Variants in TTC33 observed in about 807,000 individuals in gnomAD.
TTC33 encodes the protein tetratricopeptide repeat domain 33, also known as tetratricopeptide repeat protein 33.
In TTC33, 24 loss-of-function variants were observed where a neutral mutation model predicts 29.4. The observed-to-expected ratio is 0.82, with a 90% CI of 0.59 to 1.15. The LOEUF is 1.15. TTC33 is among the 50% of genes most tolerant of loss of function. The probability of loss-of-function intolerance (pLI) is 0.00; values close to 1 mark genes in which losing one functional copy is unlikely to be tolerated. For synonymous variants in TTC33, 107 were observed against 100.3 expected, an observed-to-expected ratio of 1.07 and a Z score of -0.40; for missense variants, 286 against 310.4, an observed-to-expected ratio of 0.92 and a Z score of 0.59.
At chr5:40,744,544 T>C (rs1426141091) in intron 2 of TTC33, among the ~76,000 whole-genome samples, 1 of 150,766 alleles carries the variant, frequency 6.6e-6, no homozygotes. Context: ...TTAGTATTAA[T>C]TCATTTTCTT....
intron 2 of TTC33, among the ~76,000 whole-genome samples, chr5:40,744,813 G>C (rs1207857865): frequency 6.6e-6 from 1 of 151,966 alleles, no homozygotes; most frequent in Admixed American, 6.6e-5. Flanking sequence ...TAAAAATATG[G>C]CTCTCAACAG....
At chr5:40,733,426 G>A (rs998607208) in intron 2 of TTC33, among the ~76,000 whole-genome samples, 36 of 152,150 alleles carry the variant, frequency 2.4e-4, no homozygotes, top group Non-Finnish European at 5.0e-4. Context: ...GGGCATTGCT[G>A]TGTCCCAGTA....
At chr5:40,719,970 T>G (rs1742090121) in intron 4 of TTC33, among the ~76,000 whole-genome samples, 1 of 152,234 alleles carries the variant, frequency 6.6e-6, no homozygotes, top group Admixed American at 6.5e-5. Context: ...TTACAAATAT[T>G]TTCTTCCATT....
chr5:40,725,105 C>T (rs1365410846), intron 4 of TTC33, among the ~76,000 whole-genome samples: 1 of 152,014 alleles, frequency 6.6e-6, no homozygotes, highest in Admixed American at 6.6e-5. Flanking sequence ...ACCTCAGCCT[C>T]CCAACATGCT....
intron 1 of TTC33, among the ~76,000 whole-genome samples, chr5:40,753,689 C>G (rs1742937175): frequency 6.6e-6 from 1 of 152,092 alleles, no homozygotes; most frequent in Non-Finnish European, 1.5e-5. Flanking sequence ...GAAAGACTCA[C>G]AAGATATCAG....
At position 40,728,281 on chromosome 5, in the gene TTC33, C is replaced by CAAA. The variant is rs70988805; in HGVS notation, c.435+61_435+63dup. The CAAA allele has an allele frequency of 2.8e-4, 90 of 317,882 alleles. 7 individuals are homozygous for CAAA. The highest frequency in any genetic ancestry group is 1.3e-3 in the Middle Eastern group (1 of 776). The allele number at this position is 317,882 out of a possible 1,614,324, so 19.7% of individuals were successfully genotyped here. A position where few individuals can be genotyped will look rare whatever the true frequency, so the allele number is the denominator to read the frequency against. ...CCTGGGTGACATCAAGACTCCATCT[C>CAAA]AAAAAAAAAAAAAAGTCAAAATATA... On this transcript the variant is annotated intron_variant, in intron 4 of 4. Transcript: ENST00000337702.
rs752137248 is a variant in TTC33, at chr5:40,746,954, A to G, written c.65T>C (p.Phe22Ser). The change falls in exon 2 of 5, where the codon TTT (phenylalanine) becomes TCT (serine). Residue 22 changes from phenylalanine to serine, a missense_variant. Transcript: ENST00000337702. ...CTTCTCATCAGCAGCTTCAGCTTCA[A>G]ACTGCTGGGAAGTGACCTTTGAGAC... The part of the protein sequence containing the change: ...EKVSKVTSQQ[F>S]EAEAADEKDV... 6.2e-7 allele frequency: 1 copy of G among 1,614,214 alleles called. No individual in the cohort carries two copies. The highest frequency in any genetic ancestry group is 1.1e-5 in the South Asian group (1 of 91,084).
chr5:40,750,279 G>T (rs1742870025), intron 1 of TTC33, among the ~76,000 whole-genome samples: 1 of 151,546 alleles, frequency 6.6e-6, no homozygotes, highest in Non-Finnish European at 1.5e-5. Flanking sequence ...TTTAAAATAA[G>T]ACAACAGCGG....
intron 4 of TTC33, among the ~76,000 whole-genome samples, chr5:40,720,188 T>C (rs1037468126): frequency 6.6e-6 from 1 of 152,224 alleles, no homozygotes; most frequent in South Asian, 2.1e-4. Flanking sequence ...TTAGTTCTTA[T>C]GTTTAGGTCT....
intron 2 of TTC33, among the ~76,000 whole-genome samples, chr5:40,739,917 A>G (rs1322168421): frequency 6.6e-6 from 1 of 152,120 alleles, no homozygotes; most frequent in Non-Finnish European, 1.5e-5. Context: ...TAGATTTGGG[A>G]ATAATACTAC....
At chr5:40,722,717 C>G (rs912846944) in intron 4 of TTC33, among the ~76,000 whole-genome samples, 38 of 151,648 alleles carry the variant, frequency 2.5e-4, no homozygotes, top group Non-Finnish European at 4.9e-4. Context: ...CGGCCAGCGC[C>G]CCGTCCGGGA....
In TTC33 at chr5:40,723,363, T is replaced by A. The variant is rs575178988; in HGVS notation, c.435+4982A>T. Among the ~76,000 whole-genome samples the A allele has an allele frequency of 6.6e-5, 10 of 152,134 alleles. No homozygotes were observed. In the South Asian group the frequency reaches 2.1e-3, roughly 32 times the overall value. ...TTGTTCACATGTTTATCTGCTGACC[T>A]TCCCTCCACTATTGTCCTATGACCC... On this transcript the variant is annotated intron_variant, in intron 4 of 4. Transcript: ENST00000337702.
intron 4 of TTC33, among the ~76,000 whole-genome samples, chr5:40,716,956 C>T (rs1415164109): frequency 1.3e-5 from 2 of 152,068 alleles, no homozygotes; most frequent in Non-Finnish European, 2.9e-5. Context: ...TGGCTGGGCA[C>T]GGTGGCTCAT....
chr5:40,740,004 C>T (rs1579687087), intron 2 of TTC33, among the ~76,000 whole-genome samples: 1 of 151,820 alleles, frequency 6.6e-6, no homozygotes, highest in East Asian at 1.9e-4. Flanking sequence ...GCTTATAAGC[C>T]TTTTATTATT....
intron 2 of TTC33, among the ~76,000 whole-genome samples, chr5:40,746,563 G>C (rs775177511): frequency 2.6e-5 from 4 of 152,112 alleles, no homozygotes; most frequent in African/African-American, 4.8e-5. Context: ...GCAAAGCAGG[G>C]ACATAATTAG....
chr5:40,727,714 T>C (rs1012641244), intron 4 of TTC33, among the ~76,000 whole-genome samples: 1 of 152,178 alleles, frequency 6.6e-6, no homozygotes, highest in African/African-American at 2.4e-5. Flanking sequence ...AATGTAATGA[T>C]CCAAAGAACT....
chr5:40,738,550 AATAAAATAAAATAAAAT>A (rs1427837110), intron 2 of TTC33, among the ~76,000 whole-genome samples: 6 of 134,236 alleles, frequency 4.5e-5, no homozygotes, highest in South Asian at 2.3e-4. Context: ...AATAAAATAA[AATAAAATAAAATAAAAT>A]ATAAAATAAA....
chr5:40,738,499 C>CAATAA (rs1404803799), intron 2 of TTC33, among the ~76,000 whole-genome samples: 2,680 of 80,112 alleles, frequency 0.033, 68 homozygotes, highest in African/African-American at 0.051. Context: ...CAATACAATA[C>CAATAA]AATACAATAA....
At chr5:40,751,131 T>C (rs1457980962) in intron 1 of TTC33, among the ~76,000 whole-genome samples, 1 of 152,240 alleles carries the variant, frequency 6.6e-6, no homozygotes, top group African/African-American at 2.4e-5. Context: ...TTTGTCCAAA[T>C]GAATCAGAAG....
Sources: allele counts gnomAD v4.1 joint callset (sites outside exome capture counted in the v4.1 genomes callset), GRCh38; gene constraint gnomAD v4.1.1; transcripts MANE v1.5; gene names NCBI Gene and HGNC (gene_info 2026-07-23, HGNC 2026-07-21).